Variants in TAPT1 observed in about 807,000 individuals in gnomAD.
TAPT1 encodes the protein transmembrane anterior posterior transformation 1.
A neutral mutation model predicts 65.6 loss-of-function variants in TAPT1; 28 were observed. The observed-to-expected ratio is 0.43, with a 90% CI of 0.32 to 0.59. The LOEUF (loss-of-function observed/expected upper bound fraction) is 0.59, where lower values mean the gene tolerates loss of function less well. Ranked by LOEUF, TAPT1 falls within the 20% of genes least tolerant of loss-of-function variation. TAPT1 has a pLI of 0.09. For missense variants in TAPT1, 563 were observed against 679.9 expected, an observed-to-expected ratio of 0.83 and a Z score of 1.91; for synonymous variants, 278 against 245.2, an observed-to-expected ratio of 1.13 and a Z score of -1.25.
intron 7 of TAPT1, among the ~76,000 whole-genome samples, 184 bp from the exon 8 acceptor site, chr4:16,179,841 T>C (rs1020084737): frequency 6.6e-6 from 1 of 151,932 alleles, no homozygotes; most frequent in Non-Finnish European, 1.5e-5. Context: ...TATAGGCTGG[T>C]GCTACCATGG....
intron 1 of TAPT1, among the ~76,000 whole-genome samples, chr4:16,217,961 G>C (rs1467444600): frequency 6.6e-6 from 1 of 152,182 alleles, no homozygotes; most frequent in African/African-American, 2.4e-5. Context: ...TGAGTGCCCT[G>C]GGTTTGGGAA....
chr4:16,186,461 G>A, intron 7 of TAPT1, 74 bp downstream of exon 7: 1 of 929,410 alleles, frequency 1.1e-6, no homozygotes, highest in Non-Finnish European at 1.7e-6. Flanking sequence ...CAGAGAAAAT[G>A]TGCCATTAGG....
chr4:16,209,328 C>A (rs1465490826), intron 2 of TAPT1, among the ~76,000 whole-genome samples: 1 of 152,172 alleles, frequency 6.6e-6, no homozygotes, highest in Non-Finnish European at 1.5e-5. Flanking sequence ...ATTATAATAA[C>A]TTATGGATCT....
At chr4:16,178,112 C>T (rs368461470) in intron 8 of TAPT1, among the ~76,000 whole-genome samples, 1 of 152,148 alleles carries the variant, frequency 6.6e-6, no homozygotes, top group Non-Finnish European at 1.5e-5. Context: ...ACACATACCC[C>T]CTCTGCCCTT....
At chr4:16,197,616 T>C (rs913343377) in intron 3 of TAPT1, among the ~76,000 whole-genome samples, 1 of 152,214 alleles carries the variant, frequency 6.6e-6, no homozygotes, top group Admixed American at 6.5e-5. Flanking sequence ...TCTAACATAA[T>C]ATAGAGCAGT....
intron 3 of TAPT1, among the ~76,000 whole-genome samples, chr4:16,197,254 G>C (rs1016045050): frequency 1.3e-5 from 2 of 152,168 alleles, no homozygotes; most frequent in Non-Finnish European, 1.5e-5. Context: ...CGGGCCAGGG[G>C]ACAGAACATT....
chr4:16,226,371 C>T lies in TAPT1; in HGVS notation c.87G>A (p.Ala29=), dbSNP rs1751564427. The T allele has an allele frequency of 9.0e-7, 1 of 1,107,356 alleles. No homozygotes were observed. Among genetic ancestry groups the T allele is most frequent in the Non-Finnish European group, 1.1e-6 (1 of 909,352 alleles). The allele number at this position is 1,107,356 out of a possible 1,614,324, so 68.6% of individuals were successfully genotyped here. Residue 29 remains alanine, a synonymous_variant, in exon 1 of 14, where the codon GCG becomes GCA. Transcript: ENST00000405303. ...DGPQRDGRGE[A]EQPGGSGGQG... ...GTCCGCCGCTGCCGCCCGGCTGCTC[C>T]GCCTCGCCGCGGCCGTCCCGCTGCG... is the stretch of plus-strand genomic sequence containing the variant.
chr4:16,192,768 G>A (rs1358806843), intron 3 of TAPT1, among the ~76,000 whole-genome samples: 3 of 152,140 alleles, frequency 2.0e-5, no homozygotes, highest in African/African-American at 7.2e-5. Context: ...AACGGCCCGA[G>A]TACTTTTTTT....
At chr4:16,197,608 T>C (rs1237386540) in intron 3 of TAPT1, among the ~76,000 whole-genome samples, 2 of 152,220 alleles carry the variant, frequency 1.3e-5, no homozygotes, top group Admixed American at 6.5e-5. Flanking sequence ...TTCGTACCTC[T>C]AACATAATAT....
rs572137184 is a variant in TAPT1 at position 16,184,797 on chromosome 4, C to T, written c.916+1738G>A. ...GAAATGTCTGTTCAAGCCTTTTCCC[C>T]ATTTTAAAACTAGATTGTCCTTTCA... On this transcript the variant is annotated intron_variant, in intron 7 of 13. Transcript: ENST00000405303. Among the ~76,000 whole-genome samples, 89 of 152,268 alleles carry T rather than the reference C, an allele frequency of 5.8e-4. 1 individual carries two copies. In the South Asian group the frequency reaches 9.5e-3, roughly 16 times the overall value.
chr4:16,216,114 C>T (rs1159491603), intron 1 of TAPT1: 1 of 152,250 alleles, frequency 6.6e-6, no homozygotes, highest in East Asian at 1.9e-4. Flanking sequence ...GGCCACTTCA[C>T]CACACTCTCC....
intron 3 of TAPT1, among the ~76,000 whole-genome samples, chr4:16,192,389 T>C (rs1219173587): frequency 6.6e-6 from 1 of 152,252 alleles, no homozygotes; most frequent in Non-Finnish European, 1.5e-5. Flanking sequence ...CAGTTATTTA[T>C]ATTTCATATG....
intron 1 of TAPT1, chr4:16,225,896 A>G: frequency 1.0e-6 from 1 of 986,412 alleles, no homozygotes; most frequent in Non-Finnish European, 1.2e-6. Flanking sequence ...ATAATTAAGA[A>G]ATCAGCCGTG....
intron 7 of TAPT1, among the ~76,000 whole-genome samples, chr4:16,182,016 ACT>A (rs1208598396): frequency 1.3e-5 from 2 of 152,176 alleles, no homozygotes; most frequent in East Asian, 1.9e-4. Context: ...ATAAAAATTA[ACT>A]CTATCTTTAT....
chr4:16,188,601 C>A (rs1228974587), intron 4 of TAPT1, among the ~76,000 whole-genome samples: 1 of 152,108 alleles, frequency 6.6e-6, no homozygotes, highest in Non-Finnish European at 1.5e-5. Context: ...CAAAGAAAGT[C>A]TTAAATAGTG....
chr4:16,176,040 C>A, intron 9 of TAPT1, 79 bp downstream of exon 9: 1 of 639,326 alleles, frequency 1.6e-6, no homozygotes, highest in South Asian at 2.4e-5. Flanking sequence ...TATTAACAAA[C>A]TCCTATTATT....
chr4:16,197,778 A>G (rs1321017066), intron 3 of TAPT1, among the ~76,000 whole-genome samples: 1 of 152,222 alleles, frequency 6.6e-6, no homozygotes, highest in East Asian at 1.9e-4. Flanking sequence ...CTAAAATGAC[A>G]CTACTCTTAT....
At chr4:16,209,611 G>A (rs1750544165) in intron 2 of TAPT1, among the ~76,000 whole-genome samples, 3 of 152,132 alleles carry the variant, frequency 2.0e-5, no homozygotes. Flanking sequence ...CTGATGCATG[G>A]TAAACTGTTC....
At chr4:16,220,751 A>G (rs1751208335) in intron 1 of TAPT1, among the ~76,000 whole-genome samples, 1 of 151,894 alleles carries the variant, frequency 6.6e-6, no homozygotes, top group Non-Finnish European at 1.5e-5. Context: ...CTATCTCAAA[A>G]AAAAAAAAAA....
Sources: gnomAD v4.1 joint callset for allele counts (sites outside exome capture counted in the v4.1 genomes callset) on GRCh38, gnomAD v4.1.1 for gene constraint, MANE v1.5 for transcripts, NCBI Gene and HGNC (gene_info 2026-07-23, HGNC 2026-07-21) for gene names.